The following NRK variants were observed in gnomAD, a reference collection of about 807,000 sequenced individuals.
NRK encodes the protein Nik related kinase.
In NRK, 67 loss-of-function variants were observed where a neutral mutation model predicts 125.2. The observed-to-expected ratio is 0.54, with a 90% CI of 0.44 to 0.66. The LOEUF (loss-of-function observed/expected upper bound fraction) is 0.66. NRK is among the 30% of genes least tolerant of loss of function. The pLI is 0.00. For synonymous variants in NRK, 458 were observed against 429.0 expected, an observed-to-expected ratio of 1.07 and a Z score of -0.84; for missense variants, 1,224 against 1,192.9, an observed-to-expected ratio of 1.03 and a Z score of -0.38.
chrX:105,853,453 A>C (rs926132698), intron 2 of NRK, among the ~76,000 whole-genome samples: 2 of 112,063 alleles, frequency 1.8e-5, no homozygotes, highest in African/African-American at 6.5e-5. Context: ...TTTTCATTGG[A>C]GTTTCAAGGT....
intron 2 of NRK, among the ~76,000 whole-genome samples, chrX:105,844,009 G>GTGTC (rs1555978626): frequency 1.9e-4 from 17 of 88,279 alleles, no homozygotes; most frequent in African/African-American, 9.6e-4. Context: ...GTGTGTGTGT[G>GTGTC]TGTGTGTGTC....
At chrX:105,936,817 A>T (rs1217353365) in intron 21 of NRK, among the ~76,000 whole-genome samples, 2 of 111,793 alleles carry the variant, frequency 1.8e-5, no homozygotes, top group Non-Finnish European at 3.8e-5. Flanking sequence ...AGATCCATGA[A>T]GGCAGGAACT....
At chrX:105,834,267 A>G (rs990292952) in intron 2 of NRK, among the ~76,000 whole-genome samples, 14 of 111,789 alleles carry the variant, frequency 1.3e-4, no homozygotes, top group Non-Finnish European at 2.3e-4. Context: ...ATTGAGAGTT[A>G]TTATTTTTTT....
At position 105,957,597 on chromosome X, in the gene NRK, C is replaced by T. The variant is rs1188397446; in HGVS notation, c.*1997C>T. On this transcript the variant is annotated 3_prime_UTR_variant, in exon 29 of 29. Coordinates refer to ENST00000243300, the MANE Select transcript of NRK (RefSeq NM_198465.4). ...AGTCAACCCCCATTGCACTCTGTGG[C>T]AGTTATTCTGGTAAAAATAGGCAAA... 3 of 111,596 alleles carry T rather than the reference C, an allele frequency of 2.7e-5. No homozygotes were observed. Among genetic ancestry groups the T allele is most frequent in the Non-Finnish European group, 3.8e-5 (2 of 53,112 alleles). The allele number at this position is 111,596 out of a possible 1,213,427, so 9.2% of individuals were successfully genotyped here. A position where few individuals can be genotyped will look rare whatever the true frequency, so the allele number is the denominator to read the frequency against.
rs766016613 is a variant in NRK at position 105,906,765 on chromosome X, G to A, written c.1021+176G>A. ...GTGCTCTTATTTAATTTTCTCTTGC[G>A]TGTGTGTGTGTGTGTGTGTGTGTGT... On this transcript the variant is annotated intron_variant, in intron 11 of 28. Coordinates refer to ENST00000243300, the MANE Select transcript of NRK (RefSeq NM_198465.4). Among the ~76,000 whole-genome samples, 319 of 22,847 alleles carry A rather than the reference G, an allele frequency of 0.014. 4 individuals carry two copies. In the African/African-American group the frequency reaches 0.15, roughly 11 times the overall value. The allele number at this position is 22,847 out of a possible 115,157, so 19.8% of individuals were successfully genotyped here.
rs753261906 is a variant in NRK, at chrX:105,868,973, A to C, written c.124-11226A>C. On this transcript the variant is annotated intron_variant, in intron 2 of 28. Coordinates refer to ENST00000243300, the MANE Select transcript of NRK (RefSeq NM_198465.4). ...AAAACTCAAGTTCGTAATTAAAAAA[A>C]ACACACACACACACAGCCCCAGTTA... Among the ~76,000 whole-genome samples, 27 of 110,386 alleles carry C rather than the reference A, an allele frequency of 2.4e-4. No individual in the cohort carries two copies. In the South Asian group the frequency reaches 4.2e-3, roughly 17 times the overall value.
intron 27 of NRK, among the ~76,000 whole-genome samples, chrX:105,952,430 T>C (rs1477596136): frequency 8.9e-6 from 1 of 112,288 alleles, no homozygotes; most frequent in Non-Finnish European, 1.9e-5. Context: ...CAAAGTATTA[T>C]AAAATAGAGT....
rs957580902 is a variant in NRK at position 105,908,908 on chromosome X, G to A, written c.1267G>A (p.Asp423Asn). Reference sequence around the variant, plus strand: ...GGTATTCATGCCACTGCAGGCTCTGGACAGTGCACCTAAGCCTCTAAAGGG... The same window carrying A: ...GGTATTCATGCCACTGCAGGCTCTGAACAGTGCACCTAAGCCTCTAAAGGG... ...ARVFMPLQAL[D>N]SAPKPLKGQA... Residue 423 changes from aspartate to asparagine, a missense_variant, in exon 13 of 29, where the codon GAC (aspartate) becomes AAC (asparagine). Transcript: ENST00000243300. 1 of 1,211,255 alleles carries A rather than the reference G, an allele frequency of 8.3e-7. No homozygotes were observed. The highest frequency in any genetic ancestry group is 3.0e-5 in the East Asian group (1 of 33,769).
rs769951620 is a variant in NRK, at chrX:105,954,086, T to C, written c.4653+913T>C. Among the ~76,000 whole-genome samples, 60 of 111,244 alleles carry C rather than the reference T, an allele frequency of 5.4e-4. 1 individual carries two copies. The Admixed American group carries it at 5.5e-3, about 10-fold the overall frequency. On this transcript the variant is annotated intron_variant, in intron 28 of 28. Coordinates refer to ENST00000243300, the MANE Select transcript of NRK (RefSeq NM_198465.4). ...ATCTTTCTGATCCTTAGTTCCTTCA[T>C]CTCCAAAATAGAAATATTAATAACT...
At chrX:105,832,813 CAG>C (rs2086309054) in intron 2 of NRK, among the ~76,000 whole-genome samples, 1 of 110,175 alleles carries the variant, frequency 9.1e-6, no homozygotes, top group African/African-American at 3.3e-5. Context: ...TGCTTGAAGC[CAG>C]AGTTGAGATG....
At chrX:105,830,208 G>C (rs2039169014) in intron 1 of NRK, among the ~76,000 whole-genome samples, 1 of 104,462 alleles carries the variant, frequency 9.6e-6, no homozygotes, top group African/African-American at 3.5e-5. Flanking sequence ...CAGCTACTCG[G>C]GAGGCTGAGG....
chrX:105,850,996 G>A (rs2039464533), intron 2 of NRK, among the ~76,000 whole-genome samples: 1 of 112,021 alleles, frequency 8.9e-6, no homozygotes, highest in Non-Finnish European at 1.9e-5. Flanking sequence ...ATAATAGTCT[G>A]TTTTCATGCT....
intron 28 of NRK, among the ~76,000 whole-genome samples, chrX:105,953,528 G>A (rs1876059391): frequency 9.0e-6 from 1 of 111,363 alleles, no homozygotes; most frequent in Non-Finnish European, 1.9e-5. Context: ...CAAAATGCTT[G>A]AGCAAATCTG....
chrX:105,919,587 A>G (rs928825717), intron 16 of NRK, among the ~76,000 whole-genome samples: 4 of 111,890 alleles, frequency 3.6e-5, no homozygotes, highest in Non-Finnish European at 7.6e-5. Flanking sequence ...CAGATACAGA[A>G]GATTTCTATC....
At chrX:105,864,579 T>TAC (rs765122541) in intron 2 of NRK, among the ~76,000 whole-genome samples, 10 of 109,293 alleles carry the variant, frequency 9.1e-5, no homozygotes, top group African/African-American at 2.0e-4. Context: ...CACATACACA[T>TAC]ACACACACAC....
At chrX:105,848,942 C>G (rs2039435122) in intron 2 of NRK, among the ~76,000 whole-genome samples, 1 of 111,493 alleles carries the variant, frequency 9.0e-6, no homozygotes, top group Non-Finnish European at 1.9e-5. Flanking sequence ...TAATTTGTCC[C>G]TGGTATATTA....
chrX:105,840,933 G>C (rs1431584990), intron 2 of NRK, among the ~76,000 whole-genome samples: 1 of 110,386 alleles, frequency 9.1e-6, no homozygotes, highest in Non-Finnish European at 1.9e-5. Context: ...TAAGGTGGTT[G>C]AAGTATCACA....
chrX:105,939,094 A>G (rs958891447), intron 22 of NRK, among the ~76,000 whole-genome samples: 8 of 111,924 alleles, frequency 7.1e-5, no homozygotes, highest in African/African-American at 2.6e-4. Flanking sequence ...ATTCGAGACC[A>G]TATCACATAG....
At chrX:105,903,757 T>C (rs2040187864) in intron 9 of NRK, among the ~76,000 whole-genome samples, 1 of 111,807 alleles carries the variant, frequency 8.9e-6, no homozygotes, top group Non-Finnish European at 1.9e-5. Flanking sequence ...GTGTCCTAGC[T>C]CTTGACCCCT....
Sources: gnomAD v4.1 joint callset for allele counts (sites outside exome capture counted in the v4.1 genomes callset) on GRCh38, gnomAD v4.1.1 for gene constraint, MANE v1.5 for transcripts, NCBI Gene and HGNC (gene_info 2026-07-23, HGNC 2026-07-21) for gene names.